AOC2: variants seen among roughly 807,000 people sequenced by gnomAD.
AOC2 encodes amine oxidase copper containing 2.
Under a neutral mutation model 53.8 loss-of-function variants are expected in AOC2, and 57 were observed. The ratio of observed to expected loss-of-function variants is 1.06; its 90% CI spans 0.86 to 1.32. AOC2 has a LOEUF of 1.32. Among genes scored for constraint, AOC2 ranks in the 40% most tolerant of loss-of-function variants. The pLI, the probability that AOC2 is intolerant of heterozygous loss-of-function variation, is 0.00. For synonymous variants in AOC2, 404 were observed against 399.0 expected (o/e 1.01, Z -0.15); for missense variants, 1,008 against 957.2 (o/e 1.05, Z -0.70).
At chr17:42,846,721 G>A (rs1478315704) in intron 1 of AOC2, among the ~76,000 whole-genome samples, 1 of 152,154 alleles carries the variant, frequency 6.6e-6, no homozygotes, top group African/African-American at 2.4e-5. Flanking sequence ...CCAGGATAGG[G>A]CCACTCCTCA....
intron 1 of AOC2, among the ~76,000 whole-genome samples, chr17:42,848,666 C>G (rs1336275446): frequency 6.6e-6 from 1 of 151,224 alleles, no homozygotes; most frequent in East Asian, 1.9e-4. Flanking sequence ...TCCTCCTACC[C>G]CAGCTTCCCA....
At position 42,850,177 on chromosome 17, in the gene AOC2, G is replaced by T. The variant is rs779602703; in HGVS notation, c.2100G>T (p.Leu700Phe). Residue 700 changes from leucine to phenylalanine, a missense_variant, in exon 4 of 4, where the codon TTG (leucine) becomes TTT (phenylalanine). By Grantham distance (22) the Leu-to-Phe change is conservative. Coordinates refer to ENST00000253799, the MANE Select transcript of AOC2 (RefSeq NM_009590.4). Reference sequence around the variant, plus strand: ...CTCTGGGGAACAGAGTTGGCTTCTTGCTCCGACCCTATAACTTCTTTGATG... The same window carrying T: ...CTCTGGGGAACAGAGTTGGCTTCTTTCTCCGACCCTATAACTTCTTTGATG... ...TVTLGNRVGFLLRPYNFFDED... is the reference protein window; with the variant it reads ...TVTLGNRVGFFLRPYNFFDED... 1.2e-5 allele frequency: 19 copies of T among 1,614,018 alleles called. No individual in the cohort carries two copies. In the South Asian group the frequency reaches 2.1e-4, roughly 18 times the overall value.
In AOC2 at chr17:42,850,315, G is replaced by C; in HGVS notation, c.2238G>C (p.Pro746=). 1 of 1,608,790 alleles carries C rather than the reference G, an allele frequency of 6.2e-7. No homozygotes were observed. Among genetic ancestry groups the C allele is most frequent in the Non-Finnish European group, 8.5e-7 (1 of 1,175,640 alleles). Residue 746 remains proline (P), a synonymous_variant, in exon 4 of 4, where the codon CCG becomes CCC. Coordinates refer to ENST00000253799, the MANE Select transcript of AOC2 (RefSeq NM_009590.4). ...ACLPDLAACV[P]DLPPFSYHGF is the part of the protein sequence containing the mutation. ...TCCCCGACCTGGCAGCCTGTGTCCC[G>C]GACTTACCCCCTTTCTCTTACCACG... is the stretch of plus-strand genomic sequence containing the variant.
chr17:42,845,301 T>C lies in AOC2; in HGVS notation c.675T>C (p.His225=), dbSNP rs1285344444. ...GAGCTACCTGGATGGCCCTCTACCA[T>C]AACATCTCAGGGGTTGGTCTTTTCC... ...GDRATWMALY[H]NISGVGLFLH... The change falls in exon 1 of 4, where the codon CAT becomes CAC. Residue 225 remains histidine (H), a synonymous_variant. Coordinates refer to ENST00000253799, the MANE Select transcript of AOC2 (RefSeq NM_009590.4). The C allele has an allele frequency of 6.2e-7, 1 of 1,614,142 alleles. No homozygotes were observed. Among genetic ancestry groups the C allele is most frequent in the Non-Finnish European group, 8.5e-7 (1 of 1,180,012 alleles).
At chr17:42,849,053 G>T (rs770768770) in intron 1 of AOC2, 33 bp from the exon 2 acceptor site, 13 of 1,584,972 alleles carry the variant, frequency 8.2e-6, no homozygotes, top group Admixed American at 3.4e-5. Flanking sequence ...CTTACCTGGT[G>T]TGGAACTCAT....
rs149857832 is a variant in AOC2, at chr17:42,844,664, C to T, written c.38C>T (p.Ser13Phe). Residue 13 changes from serine to phenylalanine, a missense_variant, in exon 1 of 4, where the codon TCC becomes TTC. Coordinates refer to ENST00000253799, the MANE Select transcript of AOC2 (RefSeq NM_009590.4). ...ATAGTCCTGGCGTTCCTGGCACTGT[C>T]CCTCATTACCATCTTTGCCCTGGCC... The part of the protein sequence containing the change: ...LKIVLAFLAL[S>F]LITIFALAYV... 12 of 1,613,938 alleles carry T rather than the reference C, an allele frequency of 7.4e-6. No homozygotes were observed. The African/African-American group carries it at 1.6e-4, about 22-fold the overall frequency.
intron 1 of AOC2, among the ~76,000 whole-genome samples, chr17:42,848,524 AATATATATATATATATATATACATAT>A (rs966225347): frequency 3.8e-5 from 5 of 131,288 alleles, no homozygotes; most frequent in Non-Finnish European, 7.8e-5. Context: ...AGAGGAACTG[AATATATATATATATATATATACATAT>A]ATATATATAT....
Position 42,845,514 on chromosome 17 carries a change from G to A in AOC2, c.888G>A (p.Leu296=), listed in dbSNP as rs572167381. The A allele has an allele frequency of 8.7e-6, 14 of 1,614,034 alleles. No individual in the cohort carries two copies. The highest frequency in any genetic ancestry group is 1.1e-5 in the Non-Finnish European group (13 of 1,180,032). The change falls in exon 1 of 4, where the codon CTG becomes CTA. Residue 296 remains leucine (L), a synonymous_variant. Coordinates refer to ENST00000253799, the MANE Select transcript of AOC2 (RefSeq NM_009590.4). ...CTCCACCAAATGGAGCTTCATCCCT[G>A]AGGTCTCGGAACTCTCCAGGTCCTC... ...PLPPPNGASS[L]RSRNSPGPLP... is the part of the protein sequence containing the mutation.
chr17:42,850,478 C>A lies in AOC2; in HGVS notation c.*130C>A. 9.4e-7 allele frequency: 1 copy of A among 1,067,568 alleles called. No individual in the cohort carries two copies. Among genetic ancestry groups the A allele is most frequent in the Non-Finnish European group, 1.3e-6 (1 of 761,542 alleles). 66.1% of individuals were successfully genotyped at this position (1,067,568 alleles called of 1,614,324 possible). ...CCTCAATGTTCCTCTCACACGAAAC[C>A]CCCATCAGTCCCTTTGGTTAATTCT... On this transcript the variant is annotated 3_prime_UTR_variant, in exon 4 of 4. Transcript: ENST00000253799.
At chr17:42,848,524 A>AATATATATATATATATATAT (rs71228780) in intron 1 of AOC2, among the ~76,000 whole-genome samples, 1 of 131,260 alleles carries the variant, frequency 7.6e-6, no homozygotes, top group African/African-American at 3.3e-5. Context: ...AGAGGAACTG[A>AATATATATATATATATATAT]ATATATATAT....
At chr17:42,848,925 A>C (rs556424167) in intron 1 of AOC2, among the ~76,000 whole-genome samples, 161 bp from the exon 2 acceptor site, 98 of 152,162 alleles carry the variant, frequency 6.4e-4, no homozygotes, top group African/African-American at 2.2e-3. Flanking sequence ...AGAAGATAGG[A>C]GCTTGCTCTT....
Position 42,850,453 on chromosome 17 carries a change from C to G in AOC2, c.*105C>G. 2 of 1,350,976 alleles carry G rather than the reference C, an allele frequency of 1.5e-6. No homozygotes were observed. The highest frequency in any genetic ancestry group is 2.0e-6 in the Non-Finnish European group (2 of 1,008,516). The allele number at this position is 1,350,976 out of a possible 1,614,324, so 83.7% of individuals were successfully genotyped here. On this transcript the variant is annotated 3_prime_UTR_variant, in exon 4 of 4. Coordinates refer to ENST00000253799, the MANE Select transcript of AOC2 (RefSeq NM_009590.4). The stretch of plus-strand genomic sequence containing the variant: ...ACACCTGCTCCCCAGATTCCCACCC[C>G]CTCAATGTTCCTCTCACACGAAACC...
At chr17:42,847,553 C>T (rs1253436303) in intron 1 of AOC2, among the ~76,000 whole-genome samples, 1 of 152,196 alleles carries the variant, frequency 6.6e-6, no homozygotes, top group African/African-American at 2.4e-5. Context: ...GACAGTACTT[C>T]CCACCTTGCT....
In AOC2 at chr17:42,844,800, C is replaced by A; in HGVS notation, c.174C>A (p.Asp58Glu). Residue 58 changes from aspartate to glutamate, a missense_variant, in exon 1 of 4, where the codon GAC becomes GAA. Coordinates refer to ENST00000253799, the MANE Select transcript of AOC2 (RefSeq NM_009590.4). Reference protein sequence around the residue: ...PHPGQSQLFADLSREELTAVM... With the variant: ...PHPGQSQLFAELSREELTAVM... ...CTGGCCAGAGCCAGCTGTTTGCAGA[C>A]CTGAGCCGAGAGGAGTTGACAGCTG... 2 of 1,614,174 alleles carry A rather than the reference C, an allele frequency of 1.2e-6. No homozygotes were observed. The highest frequency in any genetic ancestry group is 2.2e-5 in the East Asian group (1 of 44,874).
intron 1 of AOC2, among the ~76,000 whole-genome samples, chr17:42,848,852 T>C (rs190168308): frequency 7.3e-4 from 111 of 152,168 alleles, no homozygotes; most frequent in African/African-American, 2.1e-3. Context: ...CAGCTGGCCC[T>C]AAGTTTTAAT....
At position 42,845,218 on chromosome 17, in the gene AOC2, A is replaced by C. The variant is rs142031867; in HGVS notation, c.592A>C (p.Asn198His). The C allele has an allele frequency of 6.2e-7, 1 of 1,613,892 alleles. No homozygotes were observed. Among genetic ancestry groups the C allele is most frequent in the South Asian group, 1.1e-5 (1 of 91,078 alleles). ...PIFLSSTFNY[N>H]GSTLAAVHAT... is the part of the protein sequence containing the mutation. ...CTTCCTGTCGTCCACCTTCAACTAC[A>C]ATGGCTCTACCCTGGCAGCTGTGCA... Residue 198 changes from asparagine to histidine, a missense_variant, in exon 1 of 4, where the codon AAT (asparagine) becomes CAT (histidine). By Grantham distance (68) the Asn-to-His change is moderately conservative (BLOSUM62 1). Coordinates refer to ENST00000253799, the MANE Select transcript of AOC2 (RefSeq NM_009590.4).
intron 1 of AOC2, among the ~76,000 whole-genome samples, chr17:42,848,654 A>T (rs1255031664): frequency 6.6e-6 from 1 of 150,984 alleles, no homozygotes; most frequent in Non-Finnish European, 1.5e-5. Flanking sequence ...GGGCTCAAGC[A>T]ATCCTCCTAC....
In AOC2 at chr17:42,850,259, G is replaced by A. The variant is rs1346245070; in HGVS notation, c.2182G>A (p.Gly728Arg). 3 of 1,614,180 alleles carry A rather than the reference G, an allele frequency of 1.9e-6. No homozygotes were observed. Among genetic ancestry groups the A allele is most frequent in the Non-Finnish European group, 2.5e-6 (3 of 1,180,036 alleles). Residue 728 changes from glycine (G) to arginine (R), a missense_variant, in exon 4 of 4, where the codon GGG becomes AGG. Physicochemically the swap from Gly to Arg is moderately radical, Grantham distance 125. Transcript: ENST00000253799. ...CTACTTTGAGAAGGGCCAGGATGCT[G>A]GGCTCTGCAGCATCAATCCTGTGGC... ...SVYFEKGQDA[G>R]LCSINPVACL...
At position 42,844,690 on chromosome 17, in the gene AOC2, TATGTTTTGCTGACCAGCCCAGGTGGTTCC is replaced by T. The variant is rs1380578586; in HGVS notation, c.66_94del (p.Tyr22Ter). The stretch of plus-strand genomic sequence containing the variant: ...CCTCATTACCATCTTTGCCCTGGCC[TATGTTTTGCTGACCAGCCCAGGTGGTTCC>T]AGCCAGCCTCCCCACTGCCCCTCTG... On this transcript the variant is annotated frameshift_variant, in exon 1 of 4. Coordinates refer to ENST00000253799, the MANE Select transcript of AOC2 (RefSeq NM_009590.4). LOFTEE classifies it high-confidence loss of function. The T allele has an allele frequency of 6.2e-7, 1 of 1,614,194 alleles. No individual in the cohort carries two copies. The highest frequency in any genetic ancestry group is 1.7e-5 in the Admixed American group (1 of 60,030).
Sources: allele counts gnomAD v4.1 joint callset (sites outside exome capture counted in the v4.1 genomes callset), GRCh38; gene constraint gnomAD v4.1.1; transcripts MANE v1.5; gene names NCBI Gene and HGNC (gene_info 2026-07-23, HGNC 2026-07-21).